B3GALT1: variants seen among roughly 807,000 people sequenced by gnomAD.
B3GALT1 encodes the protein UDP-Gal:betaGlcNAc beta 1,3-galactosyltransferase, polypeptide 1.
In B3GALT1, 10 loss-of-function variants were observed where a neutral mutation model predicts 23.2. The observed-to-expected ratio is 0.43, with a 90% CI of 0.27 to 0.73. B3GALT1 has a LOEUF of 0.73. Among genes scored for constraint, B3GALT1 ranks in the 30% least tolerant of loss-of-function variants. B3GALT1 has a pLI of 0.21. For missense variants in B3GALT1, 299 were observed against 405.4 expected (o/e 0.74, Z 2.25); for synonymous variants, 156 against 141.5 (o/e 1.10, Z -0.73).
intron 1 of B3GALT1, among the ~76,000 whole-genome samples, chr2:167,444,861 C>G (rs1201397366): frequency 6.6e-6 from 1 of 152,028 alleles, no homozygotes; most frequent in Non-Finnish European, 1.5e-5. Flanking sequence ...GTGTCTGTAT[C>G]TCCTTCAGTT....
chr2:167,546,017 A>C (rs1219744462), intron 2 of B3GALT1, among the ~76,000 whole-genome samples: 1 of 152,168 alleles, frequency 6.6e-6, no homozygotes, highest in African/African-American at 2.4e-5. Context: ...TTTGTGCATG[A>C]AACGTGAGGT....
chr2:167,616,087 GAA>G (rs1191322624), intron 2 of B3GALT1, among the ~76,000 whole-genome samples: 2 of 16,284 alleles, frequency 1.2e-4, no homozygotes, highest in Non-Finnish European at 2.8e-4. Flanking sequence ...AAAGAAAAAA[GAA>G]GAAGGGAATA....
At chr2:167,510,897 C>T (rs914454517) in intron 2 of B3GALT1, among the ~76,000 whole-genome samples, 2 of 151,766 alleles carry the variant, frequency 1.3e-5, no homozygotes, top group Admixed American at 1.3e-4. Flanking sequence ...AGCATATAGA[C>T]AATATTTAAA....
At chr2:167,529,641 C>T (rs1026413617) in intron 2 of B3GALT1, among the ~76,000 whole-genome samples, 4 of 151,510 alleles carry the variant, frequency 2.6e-5, no homozygotes, top group African/African-American at 4.8e-5. Context: ...CTAGCACCTC[C>T]GTCTTTCAGT....
intron 2 of B3GALT1, among the ~76,000 whole-genome samples, chr2:167,561,441 G>T (rs1014463174): frequency 6.6e-6 from 1 of 151,884 alleles, no homozygotes; most frequent in African/African-American, 2.4e-5. Flanking sequence ...CAGAAGGCAA[G>T]AAATAACTAA....
intron 1 of B3GALT1, among the ~76,000 whole-genome samples, chr2:167,476,383 C>T (rs1699486791): frequency 6.6e-6 from 1 of 152,144 alleles, no homozygotes; most frequent in African/African-American, 2.4e-5. Context: ...TTTTTATGGT[C>T]TGGAGTTTAG....
intron 1 of B3GALT1, among the ~76,000 whole-genome samples, chr2:167,294,314 A>T (rs1018142780): frequency 2.6e-5 from 4 of 152,226 alleles, no homozygotes; most frequent in African/African-American, 9.6e-5. Flanking sequence ...CAGACCTAGG[A>T]CACGTTAACC....
intron 1 of B3GALT1, among the ~76,000 whole-genome samples, chr2:167,472,189 C>T (rs907721425): frequency 2.0e-5 from 3 of 152,120 alleles, no homozygotes; most frequent in Admixed American, 6.6e-5. Context: ...ATTAGACAAT[C>T]GTTATGTGTT....
chr2:167,350,310 T>A (rs1209711434), intron 1 of B3GALT1, among the ~76,000 whole-genome samples: 1 of 152,238 alleles, frequency 6.6e-6, no homozygotes, highest in Non-Finnish European at 1.5e-5. Context: ...TGTGTGTTAC[T>A]GAGAGGATCA....
intron 2 of B3GALT1, among the ~76,000 whole-genome samples, chr2:167,630,680 G>A (rs986809653): frequency 6.6e-6 from 1 of 151,512 alleles, no homozygotes; most frequent in African/African-American, 2.4e-5. Flanking sequence ...ATCAAATAGG[G>A]CAAAATGTTG....
chr2:167,804,655 A>C (rs1688711835), intron 3 of B3GALT1, among the ~76,000 whole-genome samples: 1 of 152,070 alleles, frequency 6.6e-6, no homozygotes, highest in African/African-American at 2.4e-5. Context: ...AAGGACATGA[A>C]CTCATCATTT....
At chr2:167,338,150 G>T (rs1054171477) in intron 1 of B3GALT1, among the ~76,000 whole-genome samples, 2 of 152,024 alleles carry the variant, frequency 1.3e-5, no homozygotes, top group African/African-American at 4.8e-5. Flanking sequence ...GGTCAAAATG[G>T]TCACACACAA....
chr2:167,752,445 G>A (rs1687752991), intron 3 of B3GALT1, among the ~76,000 whole-genome samples: 2 of 151,826 alleles, frequency 1.3e-5, no homozygotes, highest in South Asian at 4.1e-4. Flanking sequence ...TAGCCATGAG[G>A]AGACCTACGT....
In B3GALT1 at chr2:167,471,681, C is replaced by G. The variant is rs537010950; in HGVS notation, c.-510-18496C>G. On this transcript the variant is annotated intron_variant, in intron 1 of 4. Transcript: ENST00000392690. ...AGTATAAAAAAAATGAAAACACTGC[C>G]TAATGTAATATTATTCAATATATCT... Among the ~76,000 whole-genome samples, 245 of 152,184 alleles carry G rather than the reference C, an allele frequency of 1.6e-3. 1 individual carries two copies. Among genetic ancestry groups the G allele is most frequent in the Middle Eastern group, 6.8e-3 (2 of 294 alleles).
chr2:167,854,039 G>A (rs1689954455), intron 4 of B3GALT1, among the ~76,000 whole-genome samples: 1 of 152,148 alleles, frequency 6.6e-6, no homozygotes, highest in Admixed American at 6.5e-5. Flanking sequence ...ATGCTAAGTA[G>A]CATTTTCCAG....
intron 3 of B3GALT1, among the ~76,000 whole-genome samples, chr2:167,708,663 A>G (rs926037566): frequency 6.6e-6 from 1 of 152,134 alleles, no homozygotes; most frequent in African/African-American, 2.4e-5. Context: ...CTCCATCTCA[A>G]AAAAAAGAAA....
rs1466366092 is a variant in B3GALT1, at chr2:167,313,201, G to C, written c.-511+19867G>C. Among the ~76,000 whole-genome samples, 4 of 152,152 alleles carry C rather than the reference G, an allele frequency of 2.6e-5. No individual in the cohort carries two copies. In the East Asian group the frequency reaches 7.8e-4, roughly 30 times the overall value. On this transcript the variant is annotated intron_variant, in intron 1 of 4. Transcript: ENST00000392690. ...AGTACCACCACTTTTGCCATCTTCT[G>C]TGGAGATCTTACTAACTCTCCCCTT...
chr2:167,496,776 T>C lies in B3GALT1; in HGVS notation c.-410+6499T>C, dbSNP rs542933093. Among the ~76,000 whole-genome samples, 4 of 152,264 alleles carry C rather than the reference T, an allele frequency of 2.6e-5. No individual in the cohort carries two copies. The East Asian group carries it at 7.7e-4, about 29-fold the overall frequency. Reference sequence around the variant, plus strand: ...AACCCTCAGGAATGGTATTAGTGCCTTTATATGAAGAGGCCAAAGAGCCAG... The same window carrying C: ...AACCCTCAGGAATGGTATTAGTGCCCTTATATGAAGAGGCCAAAGAGCCAG... On this transcript the variant is annotated intron_variant, in intron 2 of 4. Coordinates refer to ENST00000392690, the MANE Select transcript of B3GALT1 (RefSeq NM_020981.4).
chr2:167,590,206 C>T (rs1684654960), intron 2 of B3GALT1, among the ~76,000 whole-genome samples: 1 of 152,078 alleles, frequency 6.6e-6, no homozygotes, highest in Non-Finnish European at 1.5e-5. Context: ...ATTAGCCGGG[C>T]GTGGTGGCGG....
Sources: allele counts gnomAD v4.1 joint callset (sites outside exome capture counted in the v4.1 genomes callset), GRCh38; gene constraint gnomAD v4.1.1; transcripts MANE v1.5; gene names NCBI Gene and HGNC (gene_info 2026-07-23, HGNC 2026-07-21).